Variants in LINGO2 observed in about 807,000 individuals in gnomAD.
The protein encoded by LINGO2 is leucine rich repeat and Ig domain containing 2, also known as leucine-rich repeat and immunoglobulin-like domain-containing nogo receptor-interacting protein 2.
A neutral mutation model predicts 30.6 loss-of-function variants in LINGO2; 14 were observed. The observed-to-expected ratio is 0.46, with a 90% CI of 0.30 to 0.72. LINGO2 has a LOEUF of 0.72. Ranked by LOEUF, LINGO2 falls within the 30% of genes least tolerant of loss-of-function variation. The pLI, the probability that LINGO2 is intolerant of heterozygous loss-of-function variation, is 0.07. For synonymous variants in LINGO2, 317 were observed against 288.5 expected (o/e 1.10, Z -1.00); for missense variants, 729 against 751.7 (o/e 0.97, Z 0.35).
chr9:28,976,328 T>C, the LINGO2 span, among the ~76,000 whole-genome samples: 1 of 152,176 alleles, frequency 6.6e-6, no homozygotes. Context: ...TTGTGCCTAA[T>C]GTAAATGTTA....
chr9:28,304,891 T>C (rs1226186357), intron 3 of LINGO2, among the ~76,000 whole-genome samples: 2 of 152,042 alleles, frequency 1.3e-5, no homozygotes, highest in Non-Finnish European at 2.9e-5. Context: ...GAGGTTATAA[T>C]GCCTCTAGTA....
intron 2 of LINGO2, among the ~76,000 whole-genome samples, chr9:28,375,026 CTT>C (rs1287853719): frequency 1.3e-5 from 2 of 151,762 alleles, no homozygotes; most frequent in Non-Finnish European, 2.9e-5. Context: ...CTTTTCTGGA[CTT>C]TGTTATGTTT....
At chr9:28,570,300 A>G (rs1279954229) in intron 1 of LINGO2, among the ~76,000 whole-genome samples, 1 of 151,992 alleles carries the variant, frequency 6.6e-6, no homozygotes, top group South Asian at 2.1e-4. Flanking sequence ...AAGTTTGTCT[A>G]TATGACATGT....
intron 4 of LINGO2, among the ~76,000 whole-genome samples, chr9:28,261,122 T>C (rs1420170395): frequency 6.6e-6 from 1 of 152,000 alleles, no homozygotes; most frequent in Non-Finnish European, 1.5e-5. Flanking sequence ...ATTAAATTAT[T>C]ATGTAAAAAA....
chr9:29,104,961 A>G, the LINGO2 span, among the ~76,000 whole-genome samples: 6 of 152,228 alleles, frequency 3.9e-5, no homozygotes, highest in Non-Finnish European at 8.8e-5. Flanking sequence ...CTCATTCTGC[A>G]TATGGACAAA....
At chr9:28,393,525 GT>G (rs1201276772) in intron 2 of LINGO2, among the ~76,000 whole-genome samples, 2 of 152,116 alleles carry the variant, frequency 1.3e-5, no homozygotes, top group African/African-American at 2.4e-5. Context: ...TATCCTTCAG[GT>G]AGGAGAGGTG....
the LINGO2 span, among the ~76,000 whole-genome samples, chr9:29,001,297 G>C: frequency 6.6e-6 from 1 of 151,880 alleles, no homozygotes; most frequent in African/African-American, 2.4e-5. Context: ...GTGAAAACTA[G>C]CTTTTCCCTC....
chr9:28,588,077 A>G (rs1824657052), intron 1 of LINGO2, among the ~76,000 whole-genome samples: 4 of 151,984 alleles, frequency 2.6e-5, no homozygotes. Flanking sequence ...CTCCAGATAC[A>G]AATCCGGAGG....
intron 4 of LINGO2, among the ~76,000 whole-genome samples, chr9:28,263,979 G>T (rs1822656447): frequency 6.6e-6 from 1 of 151,730 alleles, no homozygotes; most frequent in Admixed American, 6.6e-5. Context: ...TACTTAAAAT[G>T]ACCTACAATG....
chr9:29,022,555 C>A, the LINGO2 span, among the ~76,000 whole-genome samples: 3 of 152,114 alleles, frequency 2.0e-5, no homozygotes, highest in African/African-American at 7.2e-5. Flanking sequence ...GTGGGTCTTA[C>A]GGTTGATCTT....
intron 5 of LINGO2, among the ~76,000 whole-genome samples, chr9:27,963,488 T>G (rs2118617892): frequency 6.6e-6 from 1 of 152,170 alleles, no homozygotes. Flanking sequence ...TGTATGTTGT[T>G]TAAAAAGAAA....
chr9:28,388,438 T>C (rs1821689149), intron 2 of LINGO2, among the ~76,000 whole-genome samples: 1 of 152,210 alleles, frequency 6.6e-6, no homozygotes, highest in Admixed American at 6.5e-5. Context: ...GGTTTATAGC[T>C]AAGAATAGAA....
At chr9:28,529,760 C>T (rs949888965) in intron 1 of LINGO2, among the ~76,000 whole-genome samples, 1 of 151,800 alleles carries the variant, frequency 6.6e-6, no homozygotes, top group Non-Finnish European at 1.5e-5. Context: ...AGGTTGAATA[C>T]CAGTTCTTTC....
intron 4 of LINGO2, among the ~76,000 whole-genome samples, chr9:28,226,796 T>C (rs1260219588): frequency 6.6e-6 from 1 of 152,064 alleles, no homozygotes; most frequent in Non-Finnish European, 1.5e-5. Flanking sequence ...CAAAGGTCCT[T>C]CCAGGGCTGA....
chr9:28,850,910 C>T, the LINGO2 span, among the ~76,000 whole-genome samples: 1,371 of 152,088 alleles, frequency 9.0e-3, 22 homozygotes, highest in African/African-American at 0.032. Flanking sequence ...ACAGGTTTGA[C>T]TTTGTCCTAG....
At chr9:29,010,290 AG>A in the LINGO2 span, among the ~76,000 whole-genome samples, 1 of 152,202 alleles carries the variant, frequency 6.6e-6, no homozygotes, top group East Asian at 1.9e-4. Context: ...CATCTGACAA[AG>A]GGCTAATATC....
At chr9:28,127,598 G>C (rs973150051) in intron 4 of LINGO2, among the ~76,000 whole-genome samples, 2 of 152,322 alleles carry the variant, frequency 1.3e-5, no homozygotes, top group South Asian at 4.1e-4. Context: ...ATCGGACAAG[G>C]AACCTATGAA....
At chr9:29,110,171 CAT>C in the LINGO2 span, among the ~76,000 whole-genome samples, 187 of 152,290 alleles carry the variant, frequency 1.2e-3, no homozygotes, top group African/African-American at 4.4e-3. Context: ...AATATTTAAA[CAT>C]GTAATTAGCC....
chr9:28,149,337 C>A (rs866167638), intron 4 of LINGO2: 195 of 505,260 alleles, frequency 3.9e-4, no homozygotes, highest in Middle Eastern at 2.7e-3. Flanking sequence ...AGGAGCGCCT[C>A]TGCCCGGCTG....
Sources: gnomAD v4.1 joint callset for allele counts (sites outside exome capture counted in the v4.1 genomes callset) on GRCh38, gnomAD v4.1.1 for gene constraint, MANE v1.5 for transcripts, NCBI Gene and HGNC (gene_info 2026-07-23, HGNC 2026-07-21) for gene names.